ULK4: variants seen among roughly 807,000 people sequenced by gnomAD.
ULK4 encodes the protein inactive serine/threonine-protein kinase ULK4.
In ULK4, 133 loss-of-function variants were observed where a neutral mutation model predicts 160.6. That is an observed-to-expected ratio of 0.83 (90% confidence interval 0.72 to 0.96). The LOEUF (loss-of-function observed/expected upper bound fraction) is 0.96. Ranked by LOEUF, ULK4 falls within the 40% of genes least tolerant of loss-of-function variation. The pLI is 0.00. For missense variants in ULK4, 1,580 were observed against 1,499.5 expected, an observed-to-expected ratio of 1.05 and a Z score of -0.89; for synonymous variants, 534 against 539.8, an observed-to-expected ratio of 0.99 and a Z score of 0.15.
chr3:41,496,637 C>A (rs1363421878), intron 32 of ULK4, among the ~76,000 whole-genome samples: 1 of 152,088 alleles, frequency 6.6e-6, no homozygotes, highest in East Asian at 1.9e-4. Flanking sequence ...CTGCATAGTG[C>A]TGCCCTAGTC....
At chr3:41,776,584 G>A (rs2039634274) in intron 21 of ULK4, among the ~76,000 whole-genome samples, 1 of 146,476 alleles carries the variant, frequency 6.8e-6, no homozygotes, top group Non-Finnish European at 1.5e-5. Context: ...GGTACAAAAT[G>A]AAATACGTCC....
At chr3:41,790,058 G>A (rs933126083) in intron 20 of ULK4, among the ~76,000 whole-genome samples, 2 of 152,144 alleles carry the variant, frequency 1.3e-5, no homozygotes, top group Non-Finnish European at 2.9e-5. Flanking sequence ...AAACACTAGA[G>A]ACTATTGTAG....
intron 33 of ULK4, among the ~76,000 whole-genome samples, chr3:41,456,098 C>T (rs951786737): frequency 3.6e-4 from 54 of 152,046 alleles, no homozygotes; most frequent in Non-Finnish European, 7.4e-4. Context: ...TTAGTAGAGA[C>T]GGGGTTTTGC....
chr3:41,615,780 T>G, intron 30 of ULK4, 63 bp from the exon 31 acceptor site: 6 of 1,465,322 alleles, frequency 4.1e-6, no homozygotes, highest in Non-Finnish European at 5.7e-6. Flanking sequence ...ACTGATGGCC[T>G]GATATAAAGC....
intron 32 of ULK4, among the ~76,000 whole-genome samples, chr3:41,539,000 A>G (rs187442742): frequency 1.3e-5 from 2 of 149,858 alleles, no homozygotes; most frequent in East Asian, 3.9e-4. Flanking sequence ...TAGTATGGAC[A>G]TATATTTTAT....
intron 31 of ULK4, among the ~76,000 whole-genome samples, chr3:41,613,768 C>T (rs866609056): frequency 1.3e-5 from 2 of 152,214 alleles, no homozygotes; most frequent in Non-Finnish European, 1.5e-5. Context: ...TGATTTCCAA[C>T]ACTTTTCTTC....
intron 20 of ULK4, among the ~76,000 whole-genome samples, chr3:41,799,570 T>C (rs1165259964): frequency 6.6e-6 from 1 of 152,152 alleles, no homozygotes; most frequent in Non-Finnish European, 1.5e-5. Flanking sequence ...CGCCTCTAAA[T>C]TGTTTTTAAG....
At chr3:41,816,465 A>G (rs2040967600) in intron 19 of ULK4, among the ~76,000 whole-genome samples, 1 of 152,216 alleles carries the variant, frequency 6.6e-6, no homozygotes, top group African/African-American at 2.4e-5. Flanking sequence ...AACACGAGGT[A>G]AATAGAAAAA....
At chr3:41,845,859 T>G (rs1445840936) in intron 17 of ULK4, among the ~76,000 whole-genome samples, 1 of 152,188 alleles carries the variant, frequency 6.6e-6, no homozygotes, top group Non-Finnish European at 1.5e-5. Flanking sequence ...AAGTTTAATT[T>G]AAAAAACTGT....
intron 30 of ULK4, among the ~76,000 whole-genome samples, chr3:41,640,582 C>T (rs902878234): frequency 3.9e-5 from 6 of 152,084 alleles, no homozygotes; most frequent in Non-Finnish European, 8.8e-5. Flanking sequence ...TGTCAAGCTT[C>T]AATAGGAAAC....
intron 32 of ULK4, among the ~76,000 whole-genome samples, chr3:41,495,396 T>A (rs2084950245): frequency 6.6e-6 from 1 of 151,746 alleles, no homozygotes; most frequent in South Asian, 2.1e-4. Flanking sequence ...TGAAACTGGA[T>A]CCCTTCCTTA....
At chr3:41,271,066 C>A (rs1410935462) in intron 35 of ULK4, among the ~76,000 whole-genome samples, 1 of 152,154 alleles carries the variant, frequency 6.6e-6, no homozygotes, top group South Asian at 2.1e-4. Flanking sequence ...TAATTTTTAA[C>A]AGCTTTACTG....
At chr3:41,811,835 G>A (rs533353012) in intron 19 of ULK4, among the ~76,000 whole-genome samples, 7 of 152,256 alleles carry the variant, frequency 4.6e-5, no homozygotes, top group South Asian at 4.2e-4. Flanking sequence ...TTGTGGTTAC[G>A]CTTTGGGAGA....
intron 31 of ULK4, among the ~76,000 whole-genome samples, chr3:41,614,275 T>C (rs1289760634): frequency 6.6e-6 from 1 of 152,218 alleles, no homozygotes; most frequent in Non-Finnish European, 1.5e-5. Flanking sequence ...AGGATGTCTA[T>C]AAAATGAGTC....
At chr3:41,882,795 C>T (rs1697571212) in intron 17 of ULK4, among the ~76,000 whole-genome samples, 1 of 152,124 alleles carries the variant, frequency 6.6e-6, no homozygotes, top group African/African-American at 2.4e-5. Context: ...ACAGCTACTC[C>T]ATCTCACTGG....
chr3:41,298,670 G>A (rs538531314), intron 35 of ULK4, among the ~76,000 whole-genome samples: 1 of 152,316 alleles, frequency 6.6e-6, no homozygotes, highest in East Asian at 1.9e-4. Flanking sequence ...TGGGAAGGTT[G>A]TGAACTTTCA....
intron 21 of ULK4, among the ~76,000 whole-genome samples, chr3:41,785,520 G>C (rs1464395931): frequency 1.3e-5 from 2 of 152,096 alleles, no homozygotes; most frequent in Non-Finnish European, 2.9e-5. Context: ...GAAGGGAATG[G>C]AACTCTTTTG....
intron 32 of ULK4, among the ~76,000 whole-genome samples, chr3:41,511,486 G>A (rs1360948648): frequency 6.6e-6 from 1 of 152,080 alleles, no homozygotes; most frequent in African/African-American, 2.4e-5. Flanking sequence ...AAACACAAAA[G>A]ATTATTCAAG....
chr3:41,593,981 G>C (rs1453309706), intron 31 of ULK4, among the ~76,000 whole-genome samples: 3 of 152,160 alleles, frequency 2.0e-5, no homozygotes, highest in East Asian at 1.9e-4. Context: ...GGAGGCGGAG[G>C]TTGCAGTGAG....
Sources: gnomAD v4.1 joint callset for allele counts (sites outside exome capture counted in the v4.1 genomes callset) on GRCh38, gnomAD v4.1.1 for gene constraint, MANE v1.5 for transcripts, NCBI Gene and HGNC (gene_info 2026-07-23, HGNC 2026-07-21) for gene names.